Variants in PSMA1 observed in about 807,000 individuals in gnomAD.
The protein encoded by PSMA1 is proteasome 20S subunit alpha 1, also known as proteasome subunit alpha type-1.
A neutral mutation model predicts 38.4 loss-of-function variants in PSMA1; 3 were observed. The ratio of observed to expected loss-of-function variants is 0.08; its 90% CI spans 0.04 to 0.20. The LOEUF is 0.20. PSMA1 is among the 10% of genes least tolerant of loss of function. The pLI, the probability that PSMA1 is intolerant of heterozygous loss-of-function variation, is 1.00. For missense variants in PSMA1, 227 were observed against 325.3 expected (o/e 0.70, Z 2.32); for synonymous variants, 101 against 107.1 (o/e 0.94, Z 0.35).
At chr11:14,557,853 A>G (rs1044584168) in intron 2 of PSMA1, among the ~76,000 whole-genome samples, 3 of 152,130 alleles carry the variant, frequency 2.0e-5, no homozygotes, top group African/African-American at 4.8e-5. Flanking sequence ...CTTTCAAATA[A>G]TCTTTTCTTT....
intron 1 of PSMA1, among the ~76,000 whole-genome samples, chr11:14,639,931 C>T (rs1226444640): frequency 1.3e-5 from 2 of 152,156 alleles, no homozygotes; most frequent in African/African-American, 4.8e-5. Context: ...GGATTATTAC[C>T]TCTGTATCAC....
chr11:14,581,065 G>A (rs1589998654), intron 2 of PSMA1, among the ~76,000 whole-genome samples: 1 of 152,142 alleles, frequency 6.6e-6, no homozygotes, highest in African/African-American at 2.4e-5. Flanking sequence ...AAACACATAT[G>A]AGAGAACCTT....
intron 2 of PSMA1, among the ~76,000 whole-genome samples, chr11:14,546,592 C>T (rs973971039): frequency 2.0e-5 from 3 of 152,016 alleles, no homozygotes; most frequent in Non-Finnish European, 4.4e-5. Flanking sequence ...CGTGTGTCAC[C>T]ATGCCCGGCT....
rs1191106019 is a variant in PSMA1, at chr11:14,602,969, C to T, written c.21+7997G>A. 2.6e-5 allele frequency among the ~76,000 whole-genome samples: 4 copies of T among 152,246 alleles called. No homozygotes were observed. The East Asian group carries it at 7.7e-4, about 29-fold the overall frequency. On this transcript the variant is annotated intron_variant, in intron 2 of 10. Coordinates refer to the PSMA1 transcript ENST00000418988. ...AACCAGTTGAAGGTCAATGTTTCAC[C>T]CACACTATAGATGTGGGGGTTTGAT...
At chr11:14,517,801 A>T in intron 3 of PSMA1, 56 bp from the exon 4 acceptor site, 1 of 1,528,458 alleles carries the variant, frequency 6.5e-7, no homozygotes, top group East Asian at 2.3e-5. Flanking sequence ...AAATGTAAAA[A>T]TAAGTTTACA....
chr11:14,531,514 G>A (rs1256981078), intron 2 of PSMA1, among the ~76,000 whole-genome samples: 1 of 152,164 alleles, frequency 6.6e-6, no homozygotes, highest in African/African-American at 2.4e-5. Flanking sequence ...CCAGGCTAGA[G>A]TGCAATGGCG....
chr11:14,606,781 T>C (rs1310610672), intron 2 of PSMA1, among the ~76,000 whole-genome samples: 1 of 152,216 alleles, frequency 6.6e-6, no homozygotes, highest in Non-Finnish European at 1.5e-5. Flanking sequence ...GGGAATATAG[T>C]ATCTTCTCTC....
At chr11:14,567,029 G>A (rs1852080313) in intron 2 of PSMA1, among the ~76,000 whole-genome samples, 1 of 152,190 alleles carries the variant, frequency 6.6e-6, no homozygotes, top group East Asian at 1.9e-4. Flanking sequence ...AGAACCACAT[G>A]AGAGTCAAAA....
chr11:14,534,081 T>C lies in PSMA1; in HGVS notation c.22-15040A>G, dbSNP rs986123955. 9.9e-5 allele frequency among the ~76,000 whole-genome samples: 15 copies of C among 152,254 alleles called. No homozygotes were observed. Among genetic ancestry groups the C allele is most frequent in the Admixed American group, 9.2e-4 (14 of 15,300 alleles). On this transcript the variant is annotated intron_variant, in intron 2 of 10. Coordinates refer to the PSMA1 transcript ENST00000418988. The surrounding 1 kb of genome is among the most constrained non-coding windows in gnomAD (Gnocchi z 4.5). ...CTGTAACCCCAGCTACTTGGGAAGCTGAGGCAGGAGAATCACTTGAACCCA... is the reference window on the plus strand; with the variant it reads ...CTGTAACCCCAGCTACTTGGGAAGCCGAGGCAGGAGAATCACTTGAACCCA...
At chr11:14,612,705 AT>A (rs1359823359) in intron 1 of PSMA1, among the ~76,000 whole-genome samples, 4 of 152,174 alleles carry the variant, frequency 2.6e-5, no homozygotes, top group African/African-American at 4.8e-5. Context: ...TTTGTCAAGC[AT>A]TTTTAGTATC....
intron 1 of PSMA1, among the ~76,000 whole-genome samples, chr11:14,618,065 G>C (rs189399529): frequency 6.6e-6 from 1 of 152,046 alleles, no homozygotes; most frequent in Non-Finnish European, 1.5e-5. Context: ...CCATTTGACC[G>C]CTTTTATGGA....
At chr11:14,632,732 A>C (rs1341891026) in intron 1 of PSMA1, among the ~76,000 whole-genome samples, 2 of 147,232 alleles carry the variant, frequency 1.4e-5, no homozygotes, top group African/African-American at 2.5e-5. Context: ...AGATTGGGGA[A>C]GTTCTCCTGG....
intron 2 of PSMA1, among the ~76,000 whole-genome samples, chr11:14,594,808 G>A (rs981892746): frequency 6.6e-6 from 1 of 151,886 alleles, no homozygotes; most frequent in African/African-American, 2.4e-5. Context: ...TGTTCACAAC[G>A]TGCAGGTTTG....
chr11:14,554,965 T>C (rs1417250026), intron 2 of PSMA1, among the ~76,000 whole-genome samples: 3 of 152,244 alleles, frequency 2.0e-5, no homozygotes, highest in African/African-American at 7.2e-5. Context: ...CAGATTTTTA[T>C]TTCTTCATAG....
chr11:14,514,436 G>A lies in PSMA1; in HGVS notation c.310C>T (p.Pro104Ser). 1 of 1,608,088 alleles carries A rather than the reference G, an allele frequency of 6.2e-7. No individual in the cohort carries two copies. Among genetic ancestry groups the A allele is most frequent in the Non-Finnish European group, 8.5e-7 (1 of 1,176,654 alleles). ...DSRFVFDRPL[P>S]VSRLVSLIGS... The stretch of plus-strand genomic sequence containing the variant: ...ATTAGAGATACAAGACGAGACACAG[G>A]CAGTGGTCTATCGAATACAAATCTG... The change falls in exon 5 of 10, where the codon CCT becomes TCT. Residue 104 changes from proline (P) to serine (S), a missense_variant. Transcript: ENST00000396394.
intron 2 of PSMA1, among the ~76,000 whole-genome samples, chr11:14,579,486 CTTTTT>C (rs756980966): frequency 1.3e-4 from 15 of 112,522 alleles, no homozygotes; most frequent in South Asian, 8.5e-4. Context: ...GCTGCAAAGA[CTTTTT>C]TTTTTTTTTT....
intron 2 of PSMA1, among the ~76,000 whole-genome samples, chr11:14,605,530 T>C (rs1171608917): frequency 6.6e-6 from 1 of 152,054 alleles, no homozygotes; most frequent in Non-Finnish European, 1.5e-5. Flanking sequence ...ACTACAGGCA[T>C]GCAACACCAT....
chr11:14,521,480 A>C (rs907743946), upstream of PSMA1, among the ~76,000 whole-genome samples: 13 of 135,690 alleles, frequency 9.6e-5, no homozygotes, highest in African/African-American at 3.5e-4. Flanking sequence ...TGGGCAATAG[A>C]GATTCTGTTT....
rs865821205 is a variant in PSMA1, at chr11:14,545,650, T to G, written c.22-26609A>C. 3.9e-5 allele frequency among the ~76,000 whole-genome samples: 6 copies of G among 152,342 alleles called. No individual in the cohort carries two copies. The Middle Eastern group carries it at 0.017, about 432-fold the overall frequency. On this transcript the variant is annotated intron_variant, in intron 2 of 10. Coordinates refer to the PSMA1 transcript ENST00000418988. ...CTGCAAAGGACATGATGTTGTTCCT[T>G]TTTTAATTAACACATTAAATTATAA...
Sources: allele counts gnomAD v4.1 joint callset (sites outside exome capture counted in the v4.1 genomes callset), GRCh38; gene constraint gnomAD v4.1.1; non-coding constraint Gnocchi (gnomAD v3.1); transcripts MANE v1.5; gene names NCBI Gene and HGNC (gene_info 2026-07-23, HGNC 2026-07-21).